The following ZC3H12B variants were observed in gnomAD, a reference collection of about 807,000 sequenced individuals.
The protein encoded by ZC3H12B is zinc finger CCCH-type containing 12B.
A neutral mutation model predicts 43.9 loss-of-function variants in ZC3H12B; 7 were observed. That is an observed-to-expected ratio of 0.16 (90% CI 0.09 to 0.30). The LOEUF (loss-of-function observed/expected upper bound fraction) is 0.30. Among genes scored for constraint, ZC3H12B ranks in the 10% least tolerant of loss-of-function variants. The pLI is 1.00. For missense variants in ZC3H12B, 475 were observed against 670.2 expected, an observed-to-expected ratio of 0.71 and a Z score of 3.22; for synonymous variants, 222 against 241.7, an observed-to-expected ratio of 0.92 and a Z score of 0.76.
upstream of ZC3H12B, among the ~76,000 whole-genome samples, chrX:65,485,200 T>G (rs977067256): frequency 1.8e-4 from 20 of 112,304 alleles, no homozygotes; most frequent in South Asian, 3.7e-4. Flanking sequence ...AGTATGCCAG[T>G]CTTTAATACA....
the ZC3H12B span, among the ~76,000 whole-genome samples, chrX:65,300,072 G>T: frequency 3.6e-5 from 4 of 112,394 alleles, no homozygotes; most frequent in Non-Finnish European, 5.6e-5. Context: ...GCTGCCAATA[G>T]AATTGGAGAA....
At chrX:65,251,736 T>G in the ZC3H12B span, among the ~76,000 whole-genome samples, 1 of 111,565 alleles carries the variant, frequency 9.0e-6, no homozygotes, top group South Asian at 3.8e-4. Flanking sequence ...TTTGGCTGTT[T>G]GTCTGTTATT....
the ZC3H12B span, among the ~76,000 whole-genome samples, chrX:65,140,241 A>G: frequency 2.7e-5 from 3 of 111,280 alleles, no homozygotes; most frequent in Non-Finnish European, 3.8e-5. Context: ...TTTTTCATAT[A>G]TGGCCTTTAT....
the ZC3H12B span, among the ~76,000 whole-genome samples, chrX:65,216,581 G>A: frequency 9.0e-6 from 1 of 111,475 alleles, no homozygotes; most frequent in Non-Finnish European, 1.9e-5. Flanking sequence ...GTACGGCATT[G>A]GTCTCTGAGG....
At chrX:65,118,538 A>G in the ZC3H12B span, among the ~76,000 whole-genome samples, 1 of 111,351 alleles carries the variant, frequency 9.0e-6, no homozygotes. Flanking sequence ...TCTTTTCCTA[A>G]TTGAATACCC....
the ZC3H12B span, among the ~76,000 whole-genome samples, chrX:65,040,084 A>AT: frequency 9.0e-6 from 1 of 111,631 alleles, no homozygotes; most frequent in African/African-American, 3.2e-5. Context: ...TCAAATAGTT[A>AT]TTTTTTATAT....
the ZC3H12B span, among the ~76,000 whole-genome samples, chrX:65,305,697 A>G: frequency 8.9e-6 from 1 of 111,897 alleles, no homozygotes; most frequent in African/African-American, 3.3e-5. Context: ...TCATTTTCCC[A>G]ATTGGATTTT....
chrX:65,406,601 G>GATGGGCGGGGCTGGGCGGGA (rs1569396822), intron 3 of ZC3H12B, among the ~76,000 whole-genome samples: 2 of 94,734 alleles, frequency 2.1e-5, no homozygotes, highest in African/African-American at 8.0e-5. Flanking sequence ...GCTGGGCGGG[G>GATGGGCGGGGCTGGGCGGGA]CTGGGCGGGG....
the ZC3H12B span, among the ~76,000 whole-genome samples, chrX:65,104,577 C>T: frequency 9.0e-6 from 1 of 111,641 alleles, no homozygotes; most frequent in Non-Finnish European, 1.9e-5. Flanking sequence ...AAATCAAACC[C>T]ATCAAACAGT....
chrX:65,226,960 T>C, the ZC3H12B span, among the ~76,000 whole-genome samples: 42 of 110,938 alleles, frequency 3.8e-4, no homozygotes, highest in Non-Finnish European at 6.6e-4. Flanking sequence ...ACTCTCAACA[T>C]TACACAGATC....
chrX:65,206,709 G>A, the ZC3H12B span, among the ~76,000 whole-genome samples: 3 of 111,495 alleles, frequency 2.7e-5, no homozygotes, highest in Non-Finnish European at 3.8e-5. Context: ...GAAACAATCA[G>A]CAGAGTTAAC....
the ZC3H12B span, among the ~76,000 whole-genome samples, chrX:65,293,161 G>A: frequency 2.7e-5 from 3 of 111,332 alleles, no homozygotes; most frequent in Admixed American, 2.9e-4. Flanking sequence ...CTGGAAGATG[G>A]ATCACACCAC....
the ZC3H12B span, among the ~76,000 whole-genome samples, chrX:65,294,304 T>C: frequency 9.0e-6 from 1 of 111,684 alleles, no homozygotes; most frequent in South Asian, 3.7e-4. Flanking sequence ...AAACAAATGC[T>C]GAAAGAATTC....
intron 3 of ZC3H12B, among the ~76,000 whole-genome samples, chrX:65,401,550 G>T (rs2066762516): frequency 8.9e-6 from 1 of 111,813 alleles, no homozygotes; most frequent in African/African-American, 3.3e-5. Context: ...GCTAAACTGA[G>T]CCCAGAGACA....
At chrX:65,356,108 G>T in the ZC3H12B span, among the ~76,000 whole-genome samples, 1 of 112,160 alleles carries the variant, frequency 8.9e-6, no homozygotes, top group East Asian at 2.8e-4. Flanking sequence ...GATAGCAAGT[G>T]TGTAGTGAGA....
the ZC3H12B span, among the ~76,000 whole-genome samples, chrX:65,057,767 A>T: frequency 9.0e-6 from 1 of 111,517 alleles, no homozygotes; most frequent in African/African-American, 3.3e-5. Flanking sequence ...TATTTCTTGG[A>T]GGCTTTGTTC....
the ZC3H12B span, among the ~76,000 whole-genome samples, chrX:65,184,327 A>G: frequency 3.6e-5 from 4 of 111,277 alleles, no homozygotes; most frequent in African/African-American, 1.3e-4. Flanking sequence ...TGTATAGTAT[A>G]CCATGTTATA....
chrX:65,254,856 A>T, the ZC3H12B span, among the ~76,000 whole-genome samples: 1 of 111,747 alleles, frequency 8.9e-6, no homozygotes, highest in African/African-American at 3.3e-5. Context: ...TGACCGTTTT[A>T]GGAAAAAACC....
chrX:65,068,288 T>C, the ZC3H12B span, among the ~76,000 whole-genome samples: 1 of 110,836 alleles, frequency 9.0e-6, no homozygotes, highest in South Asian at 3.8e-4. Context: ...TGGTCTTCTC[T>C]TGCTTCTTTG....
Sources: gnomAD v4.1 joint callset for allele counts (sites outside exome capture counted in the v4.1 genomes callset) on GRCh38, gnomAD v4.1.1 for gene constraint, MANE v1.5 for transcripts, NCBI Gene and HGNC (gene_info 2026-07-23, HGNC 2026-07-21) for gene names.